The following SLC36A1 variants were observed in gnomAD, a reference collection of about 807,000 sequenced individuals.
SLC36A1 encodes the protein proton-coupled amino acid transporter 1.
SLC36A1 carries 30 observed loss-of-function variants against 47.5 expected under a neutral mutation model. The observed-to-expected ratio is 0.63, with a 90% CI of 0.47 to 0.86. The LOEUF is 0.86. Ranked by LOEUF, SLC36A1 falls within the 40% of genes least tolerant of loss-of-function variation. The pLI is 0.00. For missense variants in SLC36A1, 517 were observed against 606.0 expected (o/e 0.85, Z 1.54); for synonymous variants, 255 against 249.7 (o/e 1.02, Z -0.20).
upstream of SLC36A1, among the ~76,000 whole-genome samples, chr5:151,447,148 A>G (rs1283190125): frequency 1.3e-5 from 2 of 152,246 alleles, no homozygotes; most frequent in South Asian, 4.1e-4. Flanking sequence ...CCATTTAAAA[A>G]TGTTACTTTA....
chr5:151,426,414 C>T, the SLC36A1 span, among the ~76,000 whole-genome samples: 80 of 152,002 alleles, frequency 5.3e-4, no homozygotes, highest in African/African-American at 1.9e-3. Flanking sequence ...AACAGGAAAA[C>T]GTGAGCAAAG....
chr5:151,433,262 A>C (rs1326679950), upstream of SLC36A1, among the ~76,000 whole-genome samples: 1 of 11,514 alleles, frequency 8.7e-5, no homozygotes, highest in Non-Finnish European at 1.6e-4. Context: ...ATATATATAT[A>C]TATATTTTTT....
the SLC36A1 span, among the ~76,000 whole-genome samples, chr5:151,389,369 C>T: frequency 6.6e-6 from 1 of 151,976 alleles, no homozygotes; most frequent in Non-Finnish European, 1.5e-5. Context: ...CCTCCCGTCC[C>T]CTGGTAATAA....
chr5:151,552,751 C>T, the SLC36A1 span, among the ~76,000 whole-genome samples: 1 of 152,184 alleles, frequency 6.6e-6, no homozygotes, highest in Non-Finnish European at 1.5e-5. Flanking sequence ...GGCACTTTCC[C>T]CTGATCTCAA....
chr5:151,482,665 C>T (rs906033656), intron 10 of SLC36A1, among the ~76,000 whole-genome samples: 2 of 152,054 alleles, frequency 1.3e-5, no homozygotes, highest in Non-Finnish European at 2.9e-5. Context: ...TTTTCATGAC[C>T]TCGTGGTATT....
the SLC36A1 span, among the ~76,000 whole-genome samples, chr5:151,553,708 TC>T: frequency 6.6e-6 from 1 of 152,248 alleles, no homozygotes; most frequent in Non-Finnish European, 1.5e-5. Context: ...CCTTTGCTTT[TC>T]CCAACTACCA....
At chr5:151,520,868 G>C in the SLC36A1 span, among the ~76,000 whole-genome samples, 1 of 152,186 alleles carries the variant, frequency 6.6e-6, no homozygotes, top group African/African-American at 2.4e-5. Flanking sequence ...GTCAGGCACT[G>C]TTCTAAGCAA....
At chr5:151,431,041 G>T in the SLC36A1 span, among the ~76,000 whole-genome samples, 1 of 152,166 alleles carries the variant, frequency 6.6e-6, no homozygotes, top group Non-Finnish European at 1.5e-5. Context: ...ACAGTTCCCA[G>T]GTGTTGAATG....
At chr5:151,534,657 G>A in the SLC36A1 span, 2 of 1,595,038 alleles carry the variant, frequency 1.3e-6, no homozygotes, top group Non-Finnish European at 1.7e-6. Context: ...TCGGAGAAAT[G>A]ACAAAAGTTG....
the SLC36A1 span, among the ~76,000 whole-genome samples, chr5:151,517,936 G>A: frequency 2.4e-4 from 37 of 152,170 alleles, no homozygotes; most frequent in Non-Finnish European, 4.3e-4. Flanking sequence ...AGCCTCACAC[G>A]TAGAGCCAGA....
chr5:151,411,066 A>G, the SLC36A1 span, among the ~76,000 whole-genome samples: 1 of 144,708 alleles, frequency 6.9e-6, no homozygotes, highest in Non-Finnish European at 1.5e-5. Context: ...ACACCAAAAC[A>G]GCCTATCAAG....
chr5:151,507,965 A>G, the SLC36A1 span, among the ~76,000 whole-genome samples: 16 of 152,196 alleles, frequency 1.1e-4, no homozygotes, highest in Non-Finnish European at 1.6e-4. Context: ...AGGGTTCCAG[A>G]TACAAGTCAG....
chr5:151,536,497 A>G, the SLC36A1 span, among the ~76,000 whole-genome samples: 7 of 151,932 alleles, frequency 4.6e-5, no homozygotes, highest in African/African-American at 1.7e-4. Context: ...TGTGCTGCCC[A>G]TCTCCACACC....
At chr5:151,444,076 A>G (rs561958613), upstream of SLC36A1, among the ~76,000 whole-genome samples, 11 of 152,278 alleles carry the variant, frequency 7.2e-5, no homozygotes, top group Middle Eastern at 3.4e-3. Flanking sequence ...ATATCTTTGT[A>G]ATATAATTTT....
At chr5:151,363,415 G>A in the SLC36A1 span, among the ~76,000 whole-genome samples, 2 of 152,226 alleles carry the variant, frequency 1.3e-5, no homozygotes, top group Non-Finnish European at 2.9e-5. Flanking sequence ...TCTGCTTGAT[G>A]GCTTTTCACT....
chr5:151,543,731 G>T, the SLC36A1 span: 2 of 1,614,194 alleles, frequency 1.2e-6, no homozygotes, highest in Non-Finnish European at 1.7e-6. Context: ...ATGTACACAG[G>T]CACAGTTGCT....
the SLC36A1 span, among the ~76,000 whole-genome samples, chr5:151,399,084 A>ATT: frequency 3.3e-4 from 20 of 60,030 alleles, no homozygotes; most frequent in South Asian, 4.9e-4. Context: ...ATATATATAT[A>ATT]TTTTTTTTTT....
At chr5:151,522,463 A>C in the SLC36A1 span, among the ~76,000 whole-genome samples, 1 of 152,158 alleles carries the variant, frequency 6.6e-6, no homozygotes. Flanking sequence ...TGTCTCAGCA[A>C]TTCTGATGCA....
At chr5:151,546,976 ACTCTAGGCATTCTCACATCACCTT>A in the SLC36A1 span, among the ~76,000 whole-genome samples, 1 of 151,924 alleles carries the variant, frequency 6.6e-6, no homozygotes, top group African/African-American at 2.4e-5. Flanking sequence ...TATTTCCTAA[ACTCTAGGCATTCTCACATCACCTT>A]TATAATTTTT....
Sources: gnomAD v4.1 joint callset for allele counts (sites outside exome capture counted in the v4.1 genomes callset) on GRCh38, gnomAD v4.1.1 for gene constraint, MANE v1.5 for transcripts, NCBI Gene and HGNC (gene_info 2026-07-23, HGNC 2026-07-21) for gene names.